RBFOX1: variants seen among roughly 807,000 people sequenced by gnomAD.
RBFOX1 encodes the protein RNA binding protein fox-1 homolog 1.
In RBFOX1, 8 loss-of-function variants were observed where a neutral mutation model predicts 57.7. That is an observed-to-expected ratio of 0.14 (90% confidence interval 0.08 to 0.25). RBFOX1 has a LOEUF of 0.25. RBFOX1 is among the 10% of genes least tolerant of loss of function. The pLI is 1.00. For missense variants in RBFOX1, 611 were observed against 548.5 expected, an observed-to-expected ratio of 1.11 and a Z score of -1.14; for synonymous variants, 326 against 222.4, an observed-to-expected ratio of 1.47 and a Z score of -4.15.
At chr16:7,444,621 C>T (rs1415033617) in intron 4 of RBFOX1, among the ~76,000 whole-genome samples, 4 of 152,136 alleles carry the variant, frequency 2.6e-5, no homozygotes, top group East Asian at 1.9e-4. Context: ...CAGCCTCAAC[C>T]TCCCAGGCTC....
intron 4 of RBFOX1, among the ~76,000 whole-genome samples, chr16:7,252,535 G>A (rs570497451): frequency 6.6e-6 from 1 of 152,242 alleles, no homozygotes; most frequent in South Asian, 2.1e-4. Flanking sequence ...ATTAAAAGTT[G>A]GAAGATCTGA....
chr16:7,358,534 C>A (rs751527049), intron 4 of RBFOX1, among the ~76,000 whole-genome samples: 2 of 152,098 alleles, frequency 1.3e-5, no homozygotes, highest in African/African-American at 2.4e-5. Context: ...AATTCTCTTG[C>A]CTCAGCCTCC....
At chr16:6,843,953 G>A (rs558976762) in intron 3 of RBFOX1, among the ~76,000 whole-genome samples, 1 of 152,088 alleles carries the variant, frequency 6.6e-6, no homozygotes, top group Non-Finnish European at 1.5e-5. Context: ...AAATCACAAG[G>A]CTTGCTTGGA....
Position 5,591,874 on chromosome 16 carries a change from G to A in RBFOX1, c.259-7028G>A, listed in dbSNP as rs1034531962. ...TTATACTCATGCAGATGTTTAAACAGCAGACACTCGAAAAATGGAATCCCT... is the reference window on the plus strand; with the variant it reads ...TTATACTCATGCAGATGTTTAAACAACAGACACTCGAAAAATGGAATCCCT... On this transcript the variant is annotated intron_variant, in intron 2 of 2. Transcript: ENST00000585867. Among the ~76,000 whole-genome samples the A allele has an allele frequency of 1.4e-4, 21 of 152,152 alleles. 1 individual carries two copies. The highest frequency in any genetic ancestry group is 1.1e-3 in the Admixed American group (17 of 15,274).
At chr16:6,889,352 A>G (rs1469928302) in intron 3 of RBFOX1, among the ~76,000 whole-genome samples, 1 of 152,146 alleles carries the variant, frequency 6.6e-6, no homozygotes, top group Non-Finnish European at 1.5e-5. Flanking sequence ...CATGTGCCTC[A>G]TTTTGCTCTC....
At chr16:5,589,951 C>G (rs2046952147) in intron 2 of RBFOX1, among the ~76,000 whole-genome samples, 2 of 152,182 alleles carry the variant, frequency 1.3e-5, no homozygotes, top group Non-Finnish European at 1.5e-5. Context: ...CAGGGTCTCC[C>G]CTGTCACTGC....
rs146619513 is a variant in RBFOX1 at position 7,109,483 on chromosome 16, C to A, written c.27+57385C>A. 1.6e-3 allele frequency among the ~76,000 whole-genome samples: 247 copies of A among 152,196 alleles called. 2 individuals are homozygous for A. Among genetic ancestry groups the A allele is most frequent in the African/African-American group, 5.9e-3 (243 of 41,530 alleles). On this transcript the variant is annotated intron_variant, in intron 4 of 15. Coordinates refer to ENST00000550418, the MANE Select transcript of RBFOX1 (RefSeq NM_018723.4). ...GTGGATGTATGGAAGGAAGGTGGTG[C>A]ACCTTTGGGCCCTTGTGATCCAGGT...
intron 3 of RBFOX1, chr16:6,748,940 A>T (rs1180117724): frequency 2.0e-5 from 3 of 152,180 alleles, no homozygotes; most frequent in Admixed American, 2.0e-4. Flanking sequence ...TTTGTCTAGC[A>T]ACCTTTCTGG....
intron 4 of RBFOX1, among the ~76,000 whole-genome samples, chr16:7,196,747 G>A (rs9926479): frequency 0.29 from 44,645 of 151,996 alleles, 6,992 homozygotes; most frequent in Non-Finnish European, 0.36. Flanking sequence ...TGGAAGGTTT[G>A]CGGAAAGAAG....
chr16:5,574,143 A>G (rs898476845), intron 2 of RBFOX1, among the ~76,000 whole-genome samples: 2 of 152,190 alleles, frequency 1.3e-5, no homozygotes, highest in Non-Finnish European at 2.9e-5. Flanking sequence ...AGAAGGGCAG[A>G]ATTTTTATGC....
chr16:7,611,804 G>A (rs2057523559), intron 10 of RBFOX1, among the ~76,000 whole-genome samples: 1 of 151,936 alleles, frequency 6.6e-6, no homozygotes, highest in Non-Finnish European at 1.5e-5. Context: ...ATTTTGGATG[G>A]TTTTTCTTTT....
At chr16:6,803,904 T>C (rs1229483221) in intron 3 of RBFOX1, among the ~76,000 whole-genome samples, 1 of 152,186 alleles carries the variant, frequency 6.6e-6, no homozygotes, top group Non-Finnish European at 1.5e-5. Flanking sequence ...AAATGTAAGC[T>C]TTTACCATTG....
intron 11 of RBFOX1, among the ~76,000 whole-genome samples, chr16:7,637,493 C>G (rs540864648): frequency 9.2e-5 from 14 of 152,224 alleles, no homozygotes; most frequent in Non-Finnish European, 1.8e-4. Flanking sequence ...ATACATAAAT[C>G]AGGCCTGTAC....
intron 2 of RBFOX1, among the ~76,000 whole-genome samples, chr16:6,415,131 T>C (rs1291489506): frequency 1.3e-5 from 2 of 148,922 alleles, no homozygotes; most frequent in Non-Finnish European, 3.0e-5. Context: ...TAATCCCAGC[T>C]ACTAGGGAGG....
At chr16:7,191,298 C>G (rs1452916152) in intron 4 of RBFOX1, among the ~76,000 whole-genome samples, 1 of 150,548 alleles carries the variant, frequency 6.6e-6, no homozygotes, top group African/African-American at 2.4e-5. Flanking sequence ...GCTTTTTTTC[C>G]TCTTTCTAAT....
intron 4 of RBFOX1, among the ~76,000 whole-genome samples, chr16:6,009,210 G>A (rs1344582784): frequency 2.0e-5 from 3 of 150,980 alleles, no homozygotes; most frequent in South Asian, 2.1e-4. Context: ...CTGCCACTTC[G>A]TGGTCTCTAA....
rs59873374 is a variant in RBFOX1, at chr16:5,544,951, CTTTTTTTTTTTTTTTTT to C, written c.259-53924_259-53908del. On this transcript the variant is annotated intron_variant, in intron 2 of 2. Coordinates refer to the RBFOX1 transcript ENST00000585867. The stretch of plus-strand genomic sequence containing the variant: ...GTATAGATGGCCTTACTATTACATT[CTTTTTTTTTTTTTTTTT>C]TTTTTTTTTTTTTTTTTTTTTTTTT... 4.3e-3 allele frequency among the ~76,000 whole-genome samples: 530 copies of C among 124,136 alleles called. 1 individual carries two copies. The highest frequency in any genetic ancestry group is 0.014 in the Middle Eastern group (3 of 220). The allele number at this position is 124,136 out of a possible 152,430, so 81.4% of individuals were successfully genotyped here.
downstream of RBFOX1, among the ~76,000 whole-genome samples, chr16:5,604,796 C>T (rs2047507259): frequency 6.6e-6 from 1 of 152,220 alleles, no homozygotes; most frequent in African/African-American, 2.4e-5. Context: ...TCATGGGCCC[C>T]CCGGGAACCA....
chr16:7,217,886 G>T (rs1053063876), intron 4 of RBFOX1, among the ~76,000 whole-genome samples: 7 of 147,994 alleles, frequency 4.7e-5, no homozygotes, highest in South Asian at 2.2e-4. Context: ...GTGCATGTGT[G>T]TGCATGCGTA....
Sources: allele counts gnomAD v4.1 joint callset (sites outside exome capture counted in the v4.1 genomes callset), GRCh38; gene constraint gnomAD v4.1.1; transcripts MANE v1.5; gene names NCBI Gene and HGNC (gene_info 2026-07-23, HGNC 2026-07-21).